Variants in KATNAL1 observed in about 807,000 individuals in gnomAD.
The protein encoded by KATNAL1 is katanin catalytic subunit A1 like 1.
Under a neutral mutation model 55.2 loss-of-function variants are expected in KATNAL1, and 32 were observed. That is an observed-to-expected ratio of 0.58 (90% CI 0.44 to 0.78). The LOEUF (loss-of-function observed/expected upper bound fraction) is 0.78. Ranked by LOEUF, KATNAL1 falls within the 30% of genes least tolerant of loss-of-function variation. KATNAL1 has a pLI of 0.00. For missense variants in KATNAL1, 466 were observed against 600.9 expected, an observed-to-expected ratio of 0.78 and a Z score of 2.35; for synonymous variants, 193 against 193.6, an observed-to-expected ratio of 1.00 and a Z score of 0.02.
chr13:30,257,052 C>T (rs1218016046), intron 3 of KATNAL1, among the ~76,000 whole-genome samples: 2 of 152,150 alleles, frequency 1.3e-5, no homozygotes, highest in African/African-American at 4.8e-5. Context: ...ATCTTTAGGA[C>T]ATTAGTAGTC....
intron 1 of KATNAL1, among the ~76,000 whole-genome samples, chr13:30,301,380 CA>C (rs1007621584): frequency 6.6e-6 from 1 of 151,664 alleles, no homozygotes; most frequent in Non-Finnish European, 1.5e-5. Context: ...AAAAAACAAA[CA>C]AAAAAAACCC....
chr13:30,232,798 C>G (rs1301652185), intron 6 of KATNAL1, among the ~76,000 whole-genome samples: 1 of 152,058 alleles, frequency 6.6e-6, no homozygotes, highest in African/African-American at 2.4e-5. Context: ...GCTCTTTCCC[C>G]TCGGTATACA....
At chr13:30,248,423 C>T (rs558299417) in intron 4 of KATNAL1, among the ~76,000 whole-genome samples, 1 of 152,224 alleles carries the variant, frequency 6.6e-6, no homozygotes, top group South Asian at 2.1e-4. Flanking sequence ...AAACCCAGCA[C>T]TATAAATTAG....
At chr13:30,274,914 C>T (rs1880718065) in intron 3 of KATNAL1, among the ~76,000 whole-genome samples, 1 of 121,714 alleles carries the variant, frequency 8.2e-6, no homozygotes, top group Non-Finnish European at 1.8e-5. Context: ...CGCGCACACA[C>T]ACACACACAC....
intron 4 of KATNAL1, among the ~76,000 whole-genome samples, chr13:30,255,005 T>TG (rs1442328902): frequency 1.3e-5 from 2 of 152,226 alleles, no homozygotes; most frequent in Non-Finnish European, 2.9e-5. Flanking sequence ...AAAAAAATCT[T>TG]GTTCTACTAT....
intron 9 of KATNAL1, among the ~76,000 whole-genome samples, chr13:30,220,080 T>C (rs887431957): frequency 1.3e-5 from 2 of 152,224 alleles, no homozygotes; most frequent in Non-Finnish European, 2.9e-5. Flanking sequence ...CCTCCACTGG[T>C]ATCAATTTTT....
At chr13:30,228,938 C>G (rs992343418) in intron 8 of KATNAL1, among the ~76,000 whole-genome samples, 1 of 152,018 alleles carries the variant, frequency 6.6e-6, no homozygotes, top group Admixed American at 6.6e-5. Flanking sequence ...GTTTTTGCTA[C>G]GTTAAAGTCT....
At chr13:30,262,252 C>T (rs1879360480) in intron 3 of KATNAL1, among the ~76,000 whole-genome samples, 2 of 151,436 alleles carry the variant, frequency 1.3e-5, no homozygotes, top group Admixed American at 6.6e-5. Flanking sequence ...ACTAAATGCC[C>T]ACAAGAGAAA....
chr13:30,284,905 A>G (rs1172268568), intron 1 of KATNAL1, among the ~76,000 whole-genome samples: 2 of 152,234 alleles, frequency 1.3e-5, no homozygotes, highest in Non-Finnish European at 1.5e-5. Context: ...GCAAGTCCAG[A>G]GTTACAGGAG....
intron 4 of KATNAL1, among the ~76,000 whole-genome samples, chr13:30,250,439 A>G (rs1217088438): frequency 6.6e-6 from 1 of 152,158 alleles, no homozygotes; most frequent in African/African-American, 2.4e-5. Flanking sequence ...TTTTTTTCAT[A>G]AAAGTAGTTA....
chr13:30,279,247 G>A (rs557328144), intron 3 of KATNAL1, among the ~76,000 whole-genome samples: 2 of 152,248 alleles, frequency 1.3e-5, no homozygotes, highest in South Asian at 2.1e-4. Context: ...TGCCTACTAC[G>A]TGCCAAACCC....
intron 9 of KATNAL1, among the ~76,000 whole-genome samples, chr13:30,213,488 C>G (rs1379268973): frequency 1.3e-5 from 2 of 152,056 alleles, no homozygotes; most frequent in African/African-American, 4.8e-5. Context: ...AATTTTAGAC[C>G]AATATCCTTG....
At chr13:30,245,254 G>A (rs1877671869) in intron 4 of KATNAL1, among the ~76,000 whole-genome samples, 1 of 152,012 alleles carries the variant, frequency 6.6e-6, no homozygotes, top group African/African-American at 2.4e-5. Flanking sequence ...TTCAACATAC[G>A]CAAATCAAAA....
At chr13:30,243,666 G>A (rs1324936592) in intron 4 of KATNAL1, among the ~76,000 whole-genome samples, 1 of 131,912 alleles carries the variant, frequency 7.6e-6, no homozygotes, top group African/African-American at 3.0e-5. Context: ...ATAGATTTCA[G>A]ATCAGCAAAA....
intron 1 of KATNAL1, among the ~76,000 whole-genome samples, chr13:30,293,410 C>T (rs1017026009): frequency 2.0e-5 from 3 of 152,194 alleles, no homozygotes; most frequent in African/African-American, 7.2e-5. Context: ...AACACCCCTT[C>T]AAAATACAGA....
At chr13:30,211,286 G>C (rs536575260) in intron 9 of KATNAL1, among the ~76,000 whole-genome samples, 10 of 152,200 alleles carry the variant, frequency 6.6e-5, no homozygotes, top group Non-Finnish European at 1.2e-4. Flanking sequence ...CTAACATTTT[G>C]CCATTATCAC....
intron 1 of KATNAL1, among the ~76,000 whole-genome samples, chr13:30,294,215 C>T (rs528940201): frequency 1.1e-4 from 16 of 152,308 alleles, no homozygotes; most frequent in African/African-American, 3.8e-4. Context: ...GCTTAGCAAG[C>T]AAGGCATGTT....
At chr13:30,279,697 C>T (rs1334701314) in intron 3 of KATNAL1, among the ~76,000 whole-genome samples, 1 of 152,136 alleles carries the variant, frequency 6.6e-6, no homozygotes, top group African/African-American at 2.4e-5. Flanking sequence ...TAGGAAAATT[C>T]AATTTCTCCA....
At chr13:30,227,164 C>T (rs778600073) in intron 9 of KATNAL1, among the ~76,000 whole-genome samples, 2 of 152,124 alleles carry the variant, frequency 1.3e-5, no homozygotes, top group Non-Finnish European at 2.9e-5. Flanking sequence ...AAAAAAACTT[C>T]AAGTTGAAAA....
Sources: gnomAD v4.1 joint callset for allele counts (sites outside exome capture counted in the v4.1 genomes callset) on GRCh38, gnomAD v4.1.1 for gene constraint, MANE v1.5 for transcripts, NCBI Gene and HGNC (gene_info 2026-07-23, HGNC 2026-07-21) for gene names.